The following PCDH15 variants were observed in gnomAD, a reference collection of about 807,000 sequenced individuals.
PCDH15 encodes protocadherin-15.
PCDH15 carries 129 observed loss-of-function variants against 178.5 expected under a neutral mutation model. The observed-to-expected ratio is 0.72, with a 90% CI of 0.63 to 0.84. PCDH15 has a LOEUF of 0.84. Among genes scored for constraint, PCDH15 ranks in the 40% least tolerant of loss-of-function variants. The probability of loss-of-function intolerance (pLI) is 0.00; values close to 1 mark genes in which losing one functional copy is unlikely to be tolerated. For missense variants in PCDH15, 2,230 were observed against 2,099.9 expected (o/e 1.06, Z -1.21); for synonymous variants, 800 against 732.0 (o/e 1.09, Z -1.50).
Position 54,213,995 on chromosome 10 carries a change from G to T in PCDH15, c.1039C>A (p.Leu347Ile). 6.2e-7 allele frequency: 1 copy of T among 1,612,346 alleles called. No homozygotes were observed. Among genetic ancestry groups the T allele is most frequent in the Non-Finnish European group, 8.5e-7 (1 of 1,178,594 alleles). Reference sequence around the variant, plus strand: ...CTGTTTACTGGCTCCAGGAGACTAAGTTCTGCTGTCCTAGGATGCATATGG... The same window carrying T: ...CTGTTTACTGGCTCCAGGAGACTAATTTCTGCTGTCCTAGGATGCATATGG... Reference protein sequence around the residue: ...FFHMHPRTAELSLLEPVNRDF... With the variant: ...FFHMHPRTAEISLLEPVNRDF... Residue 347 changes from leucine (L) to isoleucine (I), a missense_variant, in exon 10 of 38, where the codon CTT (leucine) becomes ATT (isoleucine). By Grantham distance (5) the Leu-to-Ile change is conservative. Coordinates refer to ENST00000644397, the MANE Select transcript of PCDH15 (RefSeq NM_001384140.1).
chr10:54,306,700 C>T (rs1564920101), intron 8 of PCDH15, among the ~76,000 whole-genome samples: 1 of 151,590 alleles, frequency 6.6e-6, no homozygotes, highest in Non-Finnish European at 1.5e-5. Flanking sequence ...AATTAACTAT[C>T]CCAGGCTCCA....
intron 2 of PCDH15, among the ~76,000 whole-genome samples, chr10:55,082,928 C>A (rs1035116495): frequency 1.3e-5 from 2 of 151,712 alleles, no homozygotes; most frequent in African/African-American, 2.4e-5. Flanking sequence ...AAAGAAAAGC[C>A]CAGGAACTGA....
At chr10:54,928,574 C>T (rs191726739) in intron 2 of PCDH15, among the ~76,000 whole-genome samples, 4 of 152,128 alleles carry the variant, frequency 2.6e-5, no homozygotes, top group Admixed American at 2.0e-4. Flanking sequence ...TCAGGGACAC[C>T]AATGAGTCAT....
At chr10:54,071,447 T>A (rs1296267536) in intron 17 of PCDH15, among the ~76,000 whole-genome samples, 1 of 152,166 alleles carries the variant, frequency 6.6e-6, no homozygotes, top group Non-Finnish European at 1.5e-5. Flanking sequence ...GAAGGGATGT[T>A]TGTTTTTTAT....
chr10:54,664,149 G>T (rs1319201225), intron 2 of PCDH15, 23 bp downstream of exon 2: 10 of 1,578,468 alleles, frequency 6.3e-6, no homozygotes, highest in Non-Finnish European at 8.7e-6. Flanking sequence ...TCGCTCTAAA[G>T]GTCAAGCTAA....
At chr10:54,529,113 A>G (rs1009945442) in intron 2 of PCDH15, among the ~76,000 whole-genome samples, 9 of 151,952 alleles carry the variant, frequency 5.9e-5, no homozygotes, top group African/African-American at 2.2e-4. Flanking sequence ...TATTATGTAC[A>G]TATACATGAA....
chr10:54,467,048 T>A (rs2077565124), intron 3 of PCDH15, among the ~76,000 whole-genome samples: 1 of 151,966 alleles, frequency 6.6e-6, no homozygotes, highest in Admixed American at 6.6e-5. Flanking sequence ...ATCTAAGAAA[T>A]TTTAGGTAAA....
chr10:53,861,194 G>A (rs1295196308), intron 27 of PCDH15, among the ~76,000 whole-genome samples: 4 of 152,074 alleles, frequency 2.6e-5, no homozygotes, highest in Non-Finnish European at 5.9e-5. Context: ...TACTTTTCCA[G>A]TATAGCTTCT....
chr10:54,545,769 C>A (rs1382760343), intron 2 of PCDH15, among the ~76,000 whole-genome samples: 1 of 152,170 alleles, frequency 6.6e-6, no homozygotes, highest in African/African-American at 2.4e-5. Flanking sequence ...GATTTAAACA[C>A]ACTCTGTAAT....
chr10:53,870,132 G>A (rs2133201440), intron 26 of PCDH15, among the ~76,000 whole-genome samples: 1 of 152,138 alleles, frequency 6.6e-6, no homozygotes, highest in Admixed American at 6.5e-5. Flanking sequence ...TCAGTAAGCA[G>A]GTAATTTCAC....
At chr10:53,822,870 C>CTTTT in intron 32 of PCDH15, 1 of 1,614,080 alleles carries the variant, frequency 6.2e-7, no homozygotes, top group South Asian at 1.1e-5. Context: ...GCTGCTACCT[C>CTTTT]TTTTGTTTGT....
intron 21 of PCDH15, among the ~76,000 whole-genome samples, chr10:53,983,700 T>A (rs1036000081): frequency 6.6e-6 from 1 of 152,218 alleles, no homozygotes; most frequent in African/African-American, 2.4e-5. Flanking sequence ...GTAAAATTTA[T>A]TTATTTAAAC....
chr10:54,763,719 A>G (rs1265728363), intron 1 of PCDH15, among the ~76,000 whole-genome samples: 1 of 149,126 alleles, frequency 6.7e-6, no homozygotes, highest in African/African-American at 2.4e-5. Context: ...TATCACATTT[A>G]CTTTTTATGG....
At chr10:54,985,660 A>G (rs1839345502) in intron 2 of PCDH15, among the ~76,000 whole-genome samples, 1 of 152,194 alleles carries the variant, frequency 6.6e-6, no homozygotes, top group Admixed American at 6.5e-5. Flanking sequence ...CCTAGCATCA[A>G]AAGTGACTAT....
At chr10:54,654,929 AGGC>A (rs2094341869) in intron 2 of PCDH15, 1 of 152,192 alleles carries the variant, frequency 6.6e-6, no homozygotes, top group African/African-American at 2.4e-5. Flanking sequence ...AAGAACATCT[AGGC>A]CAGGAGCGGT....
At chr10:54,568,820 T>C (rs148397055) in intron 2 of PCDH15, 273 of 152,240 alleles carry the variant, frequency 1.8e-3, no homozygotes, top group African/African-American at 6.3e-3. Flanking sequence ...AATATGAGAA[T>C]ATTTTTAAAC....
chr10:54,626,681 G>A (rs532924346), intron 2 of PCDH15, among the ~76,000 whole-genome samples: 1 of 152,166 alleles, frequency 6.6e-6, no homozygotes, highest in Admixed American at 6.5e-5. Context: ...ACCTCTCCTA[G>A]GGCAGTGCAG....
At chr10:55,016,451 T>G (rs568189357) in intron 2 of PCDH15, among the ~76,000 whole-genome samples, 3 of 152,108 alleles carry the variant, frequency 2.0e-5, no homozygotes, top group Non-Finnish European at 4.4e-5. Flanking sequence ...ACTCTTTATC[T>G]CCATGAGTTC....
At chr10:54,177,407 A>C (rs1008880306) in intron 13 of PCDH15, among the ~76,000 whole-genome samples, 1 of 152,122 alleles carries the variant, frequency 6.6e-6, no homozygotes, top group Non-Finnish European at 1.5e-5. Flanking sequence ...AGTGAATCCT[A>C]ATGCAAACTA....
Sources: gnomAD v4.1 joint callset for allele counts (sites outside exome capture counted in the v4.1 genomes callset) on GRCh38, gnomAD v4.1.1 for gene constraint, MANE v1.5 for transcripts, NCBI Gene and HGNC (gene_info 2026-07-23, HGNC 2026-07-21) for gene names.